PPM1E: variants seen among roughly 807,000 people sequenced by gnomAD.
PPM1E encodes the protein protein phosphatase, Mg2+/Mn2+ dependent 1E, also known as protein phosphatase 1E.
Under a neutral mutation model 65.9 loss-of-function variants are expected in PPM1E, and 20 were observed. The observed-to-expected ratio is 0.30, with a 90% CI of 0.21 to 0.44. The LOEUF (loss-of-function observed/expected upper bound fraction) is 0.44, where lower values mean the gene tolerates loss of function less well. PPM1E is among the 20% of genes least tolerant of loss of function. PPM1E has a pLI of 1.00. For synonymous variants in PPM1E, 352 were observed against 374.9 expected (o/e 0.94, Z 0.70); for missense variants, 713 against 953.1 (o/e 0.75, Z 3.32).
At chr17:58,955,224 G>C (rs2029868169) in intron 1 of PPM1E, among the ~76,000 whole-genome samples, 1 of 152,088 alleles carries the variant, frequency 6.6e-6, no homozygotes, top group Admixed American at 6.5e-5. Context: ...AATTAGCTGG[G>C]CATGGTGGCA....
At chr17:58,909,017 CTGTT>C (rs1169605947) in intron 1 of PPM1E, among the ~76,000 whole-genome samples, 1 of 152,054 alleles carries the variant, frequency 6.6e-6, no homozygotes, top group Non-Finnish European at 1.5e-5. Flanking sequence ...TATGAACAAT[CTGTT>C]AGGTCAATTA....
intron 1 of PPM1E, among the ~76,000 whole-genome samples, chr17:58,780,034 T>C (rs1051302653): frequency 2.0e-5 from 3 of 152,236 alleles, no homozygotes; most frequent in Admixed American, 6.5e-5. Flanking sequence ...TTACAAAGAA[T>C]GCTGCAGTGG....
intron 1 of PPM1E, among the ~76,000 whole-genome samples, chr17:58,798,259 C>T (rs1325191810): frequency 8.0e-5 from 11 of 137,474 alleles, no homozygotes; most frequent in South Asian, 2.4e-4. Flanking sequence ...GACGAAGTCT[C>T]GTTCTGTTGC....
At chr17:58,885,132 C>CTGCA (rs754226426) in intron 1 of PPM1E, among the ~76,000 whole-genome samples, 1 of 152,170 alleles carries the variant, frequency 6.6e-6, no homozygotes, top group Non-Finnish European at 1.5e-5. Context: ...TCTCGGCTCA[C>CTGCA]TGCAACCTCT....
chr17:58,936,251 T>C (rs1473693615), intron 1 of PPM1E, among the ~76,000 whole-genome samples: 1 of 152,152 alleles, frequency 6.6e-6, no homozygotes, highest in African/African-American at 2.4e-5. Flanking sequence ...CTAAGTCAGG[T>C]GGAGAACTTG....
intron 1 of PPM1E, among the ~76,000 whole-genome samples, chr17:58,800,140 T>G (rs1000857387): frequency 4.6e-5 from 7 of 152,150 alleles, no homozygotes; most frequent in Admixed American, 4.6e-4. Context: ...ATGTTGAACT[T>G]TGTCAAATTT....
intron 1 of PPM1E, among the ~76,000 whole-genome samples, chr17:58,901,537 G>A (rs1018164204): frequency 2.0e-5 from 3 of 151,946 alleles, no homozygotes; most frequent in Non-Finnish European, 2.9e-5. Context: ...AATTAGCCGG[G>A]CATGGTGGTC....
At chr17:58,895,809 C>CA (rs945275963) in intron 1 of PPM1E, among the ~76,000 whole-genome samples, 4 of 151,038 alleles carry the variant, frequency 2.6e-5, no homozygotes, top group Non-Finnish European at 5.9e-5. Context: ...GACCGTGTCT[C>CA]AAAAAAGAAA....
intron 1 of PPM1E, among the ~76,000 whole-genome samples, chr17:58,928,329 C>T (rs2051849773): frequency 1.3e-5 from 2 of 152,048 alleles, no homozygotes; most frequent in African/African-American, 4.8e-5. Flanking sequence ...CATTCTTATA[C>T]TATTGTCAGG....
chr17:58,892,663 A>G (rs2051362415), intron 1 of PPM1E, among the ~76,000 whole-genome samples: 1 of 152,224 alleles, frequency 6.6e-6, no homozygotes, highest in Non-Finnish European at 1.5e-5. Context: ...AAGGCAAGCT[A>G]CAGACTGGGA....
chr17:58,857,807 T>C (rs1567855205), intron 1 of PPM1E, among the ~76,000 whole-genome samples: 2 of 152,106 alleles, frequency 1.3e-5, no homozygotes, highest in African/African-American at 4.8e-5. Flanking sequence ...ACCTATGGTT[T>C]AAAAAAATTA....
intron 1 of PPM1E, among the ~76,000 whole-genome samples, chr17:58,866,716 C>T (rs2051008305): frequency 6.6e-6 from 1 of 152,140 alleles, no homozygotes; most frequent in African/African-American, 2.4e-5. Flanking sequence ...TCCCTGGTAT[C>T]CCCAAAAGCC....
chr17:58,784,044 A>G (rs2050074539), intron 1 of PPM1E, among the ~76,000 whole-genome samples: 1 of 149,464 alleles, frequency 6.7e-6, no homozygotes, highest in African/African-American at 2.5e-5. Flanking sequence ...TTGTTTTGAG[A>G]CAGAGTCTCA....
At chr17:58,905,016 C>T (rs2051541173) in intron 1 of PPM1E, among the ~76,000 whole-genome samples, 1 of 151,152 alleles carries the variant, frequency 6.6e-6, no homozygotes, top group Admixed American at 6.6e-5. Flanking sequence ...AAGAGTGAAA[C>T]TCCATCTCAA....
chr17:58,777,985 G>A (rs1203557912), intron 1 of PPM1E, among the ~76,000 whole-genome samples: 1 of 151,724 alleles, frequency 6.6e-6, no homozygotes, highest in African/African-American at 2.4e-5. Context: ...GCTGGAGTAC[G>A]GTGGCATGAT....
chr17:58,785,803 C>A lies in PPM1E; in HGVS notation c.464+29342C>A, dbSNP rs1288369623. Among the ~76,000 whole-genome samples the A allele has an allele frequency of 3.9e-5, 6 of 151,966 alleles. No individual in the cohort carries two copies. The East Asian group carries it at 1.2e-3, about 30-fold the overall frequency. ...CGTTTCAGTTCATGTTTTCCACCCA[C>A]AAATTTACTGCCTTTTCCATCTTAA... On this transcript the variant is annotated intron_variant, in intron 1 of 6. Transcript: ENST00000308249.
At chr17:58,860,577 C>T (rs1158965440) in intron 1 of PPM1E, among the ~76,000 whole-genome samples, 1 of 152,134 alleles carries the variant, frequency 6.6e-6, no homozygotes, top group Non-Finnish European at 1.5e-5. Context: ...TTATACCATC[C>T]CCAATTCAAG....
intron 1 of PPM1E, among the ~76,000 whole-genome samples, chr17:58,771,461 T>TA (rs1274294230): frequency 6.6e-6 from 1 of 151,478 alleles, no homozygotes; most frequent in Non-Finnish European, 1.5e-5. Context: ...CCGTCTCTAC[T>TA]AAAAATACAA....
At chr17:58,911,871 CAAGAGCTCAGAGTCGCAAGGAAA>C (rs1371502720) in intron 1 of PPM1E, among the ~76,000 whole-genome samples, 4 of 152,116 alleles carry the variant, frequency 2.6e-5, no homozygotes, top group Non-Finnish European at 5.9e-5. Flanking sequence ...GTGTTAGAAA[CAAGAGCTCAGAGTCGCAAGGAAA>C]ACAAGCACTC....
Sources: gnomAD v4.1 joint callset for allele counts (sites outside exome capture counted in the v4.1 genomes callset) on GRCh38, gnomAD v4.1.1 for gene constraint, MANE v1.5 for transcripts, NCBI Gene and HGNC (gene_info 2026-07-23, HGNC 2026-07-21) for gene names.